KSR2: variants seen among roughly 807,000 people sequenced by gnomAD.
KSR2 encodes the protein kinase suppressor of ras 2.
Under a neutral mutation model 107.8 loss-of-function variants are expected in KSR2, and 25 were observed. The ratio of observed to expected loss-of-function variants is 0.23; its 90% CI spans 0.17 to 0.32. KSR2 has a LOEUF of 0.32. KSR2 is among the 10% of genes least tolerant of loss of function. The probability of loss-of-function intolerance (pLI) is 1.00; values close to 1 mark genes in which losing one functional copy is unlikely to be tolerated. For synonymous variants in KSR2, 480 were observed against 507.0 expected, an observed-to-expected ratio of 0.95 and a Z score of 0.71; for missense variants, 887 against 1,268.9, an observed-to-expected ratio of 0.70 and a Z score of 4.57.
chr12:117,606,681 T>A (rs1279166460), intron 5 of KSR2, among the ~76,000 whole-genome samples: 6 of 134,552 alleles, frequency 4.5e-5, no homozygotes, highest in Non-Finnish European at 9.5e-5. Context: ...CCTCCCTCCC[T>A]GCCTGCCTCC....
chr12:117,678,969 A>T (rs1233919103), intron 4 of KSR2, among the ~76,000 whole-genome samples: 1 of 152,186 alleles, frequency 6.6e-6, no homozygotes, highest in Non-Finnish European at 1.5e-5. Context: ...GCATGGCATC[A>T]GTGGGAAAGA....
chr12:117,595,412 C>T (rs1021703322), intron 5 of KSR2, among the ~76,000 whole-genome samples: 2 of 126,058 alleles, frequency 1.6e-5, no homozygotes, highest in African/African-American at 3.2e-5. Context: ...GGCCGGACTG[C>T]GGACTGCAGT....
At chr12:117,880,443 G>C (rs545309074) in intron 1 of KSR2, among the ~76,000 whole-genome samples, 2 of 151,836 alleles carry the variant, frequency 1.3e-5, no homozygotes, top group South Asian at 4.1e-4. Flanking sequence ...CAGATCTCCT[G>C]GGAAAAAGCA....
chr12:117,646,939 T>C (rs1338730994), intron 5 of KSR2, among the ~76,000 whole-genome samples: 2 of 151,930 alleles, frequency 1.3e-5, no homozygotes, highest in East Asian at 3.9e-4. Context: ...GGTGGATGAT[T>C]ACAGCCAGCG....
At chr12:117,728,908 T>C (rs903801658) in intron 4 of KSR2, among the ~76,000 whole-genome samples, 7 of 152,222 alleles carry the variant, frequency 4.6e-5, no homozygotes, top group Admixed American at 3.3e-4. Flanking sequence ...GACTTGCTTC[T>C]TACCTGGGCT....
intron 10 of KSR2, among the ~76,000 whole-genome samples, chr12:117,536,270 C>T (rs535530897): frequency 7.9e-4 from 121 of 152,306 alleles, no homozygotes; most frequent in African/African-American, 2.7e-3. Context: ...CATTTTTCAT[C>T]AACAGAAGCT....
At chr12:117,638,981 G>A (rs1020903515) in intron 5 of KSR2, among the ~76,000 whole-genome samples, 5 of 152,022 alleles carry the variant, frequency 3.3e-5, no homozygotes, top group South Asian at 2.1e-4. Context: ...ACATAAAGAC[G>A]GGATTTAGCC....
At chr12:117,644,189 G>A (rs10850878) in intron 5 of KSR2, among the ~76,000 whole-genome samples, 12,247 of 152,280 alleles carry the variant, frequency 0.08, 535 homozygotes, top group Middle Eastern at 0.12. Context: ...TAATCTGACA[G>A]TAATCAGTGT....
chr12:117,837,505 A>G (rs1229194675), intron 3 of KSR2, among the ~76,000 whole-genome samples: 2 of 152,140 alleles, frequency 1.3e-5, no homozygotes, highest in African/African-American at 2.4e-5. Context: ...AAGGCATCCC[A>G]GTGTCTACGG....
At chr12:117,693,816 G>C (rs1238541956) in intron 4 of KSR2, among the ~76,000 whole-genome samples, 1 of 152,180 alleles carries the variant, frequency 6.6e-6, no homozygotes, top group East Asian at 1.9e-4. Flanking sequence ...GCGGCTCACA[G>C]GGGAGACTCA....
chr12:117,653,625 C>T (rs1883994969), intron 5 of KSR2, among the ~76,000 whole-genome samples: 1 of 152,234 alleles, frequency 6.6e-6, no homozygotes, highest in African/African-American at 2.4e-5. Context: ...CAGGGATCTT[C>T]TACCTCAGTA....
chr12:117,594,846 G>T (rs1370988826), intron 5 of KSR2, among the ~76,000 whole-genome samples: 15 of 152,178 alleles, frequency 9.9e-5, no homozygotes, highest in African/African-American at 3.6e-4. Flanking sequence ...GTCACAACTT[G>T]AGGGGGAGGA....
At position 117,576,334 on chromosome 12, in the gene KSR2, T is replaced by G. The variant is rs563495808; in HGVS notation, c.1325+2785A>C. On this transcript the variant is annotated intron_variant, in intron 7 of 19. Transcript: ENST00000339824. ...TCTTCAGACTTCAGAGCTGCTGGTG[T>G]ATGGAGAAAATCAGTCAGCCTGGAG... Among the ~76,000 whole-genome samples the G allele has an allele frequency of 3.3e-5, 5 of 152,160 alleles. No homozygotes were observed. The South Asian group carries it at 1.0e-3, about 32-fold the overall frequency.
chr12:117,658,341 T>A (rs1565947820), intron 5 of KSR2, among the ~76,000 whole-genome samples: 1 of 152,200 alleles, frequency 6.6e-6, no homozygotes, highest in Non-Finnish European at 1.5e-5. Flanking sequence ...TTGGAAACTA[T>A]TGCATAGTTT....
At chr12:117,639,895 C>T (rs983215452) in intron 5 of KSR2, among the ~76,000 whole-genome samples, 10 of 152,096 alleles carry the variant, frequency 6.6e-5, no homozygotes, top group Non-Finnish European at 1.5e-4. Context: ...TTCTCCACCA[C>T]CTCCCCGACA....
chr12:117,881,641 T>C (rs1894030631), intron 1 of KSR2, among the ~76,000 whole-genome samples: 1 of 152,228 alleles, frequency 6.6e-6, no homozygotes, highest in Non-Finnish European at 1.5e-5. Flanking sequence ...ATTGGCCACA[T>C]TATCCTCATT....
chr12:117,840,109 T>TA (rs906608100), intron 3 of KSR2, among the ~76,000 whole-genome samples: 47 of 151,670 alleles, frequency 3.1e-4, no homozygotes, highest in African/African-American at 5.6e-4. Context: ...TATTTTATTT[T>TA]TTTTTTTGAG....
At chr12:117,802,400 C>A (rs1448045676) in intron 3 of KSR2, among the ~76,000 whole-genome samples, 1 of 152,162 alleles carries the variant, frequency 6.6e-6, no homozygotes, top group African/African-American at 2.4e-5. Context: ...AGTCCCTTTA[C>A]TATGTAATAT....
chr12:117,501,728 C>G (rs931114640), intron 14 of KSR2, among the ~76,000 whole-genome samples: 1 of 152,218 alleles, frequency 6.6e-6, no homozygotes, highest in Admixed American at 6.5e-5. Context: ...TATCTGCAAG[C>G]CTGTGTTACG....
Sources: allele counts gnomAD v4.1 joint callset (sites outside exome capture counted in the v4.1 genomes callset), GRCh38; gene constraint gnomAD v4.1.1; transcripts MANE v1.5; gene names NCBI Gene and HGNC (gene_info 2026-07-23, HGNC 2026-07-21).